Variants in MAGI1 observed in about 807,000 individuals in gnomAD.
The protein encoded by MAGI1 is membrane associated guanylate kinase, WW and PDZ domain containing 1, also known as membrane-associated guanylate kinase, WW and PDZ domain-containing protein 1.
Under a neutral mutation model 139.9 loss-of-function variants are expected in MAGI1, and 58 were observed. The observed-to-expected ratio is 0.41, with a 90% CI of 0.34 to 0.52. MAGI1 has a LOEUF of 0.52. Ranked by LOEUF, MAGI1 falls within the 20% of genes least tolerant of loss-of-function variation. The probability of loss-of-function intolerance (pLI) is 0.12; values close to 1 mark genes in which losing one functional copy is unlikely to be tolerated. For synonymous variants in MAGI1, 812 were observed against 737.9 expected, an observed-to-expected ratio of 1.10 and a Z score of -1.63; for missense variants, 1,874 against 1,901.6, an observed-to-expected ratio of 0.99 and a Z score of 0.27.
At chr3:65,936,566 G>A (rs192415406) in intron 1 of MAGI1, among the ~76,000 whole-genome samples, 44 of 150,682 alleles carry the variant, frequency 2.9e-4, no homozygotes, top group Admixed American at 1.3e-3. Flanking sequence ...CTGCACTCCA[G>A]CCTGGGTGAC....
At chr3:65,529,408 T>A (rs553741172) in intron 2 of MAGI1, among the ~76,000 whole-genome samples, 1 of 152,312 alleles carries the variant, frequency 6.6e-6, no homozygotes, top group East Asian at 1.9e-4. Flanking sequence ...ACTATGAATT[T>A]GCTTATTCTG....
chr3:65,780,030 G>A (rs558005038), intron 1 of MAGI1, among the ~76,000 whole-genome samples: 17 of 137,550 alleles, frequency 1.2e-4, no homozygotes, highest in African/African-American at 4.4e-4. Flanking sequence ...TTTGGGGGGG[G>A]AAGGGCAGGG....
chr3:65,803,764 C>T (rs2040665745), intron 1 of MAGI1, among the ~76,000 whole-genome samples: 1 of 152,154 alleles, frequency 6.6e-6, no homozygotes, highest in African/African-American at 2.4e-5. Context: ...GTGTTCTCAT[C>T]ATTTAGCTCC....
chr3:65,974,806 A>G (rs991961637), intron 1 of MAGI1, among the ~76,000 whole-genome samples: 2 of 152,170 alleles, frequency 1.3e-5, no homozygotes, highest in Non-Finnish European at 2.9e-5. Flanking sequence ...GATGACTAGG[A>G]CAGAAGGCAG....
At chr3:65,701,356 G>A (rs1576798042) in intron 1 of MAGI1, among the ~76,000 whole-genome samples, 1 of 152,128 alleles carries the variant, frequency 6.6e-6, no homozygotes, top group Non-Finnish European at 1.5e-5. Flanking sequence ...GGGGTCAAGC[G>A]ATTCTCCTGT....
At chr3:65,609,583 T>C (rs1384604645) in intron 2 of MAGI1, among the ~76,000 whole-genome samples, 1 of 150,556 alleles carries the variant, frequency 6.6e-6, no homozygotes, top group Non-Finnish European at 1.5e-5. Context: ...TTTTTTTGTT[T>C]TTTGTTTTTG....
At chr3:66,013,383 A>G (rs1425473548) in intron 1 of MAGI1, among the ~76,000 whole-genome samples, 1 of 150,138 alleles carries the variant, frequency 6.7e-6, no homozygotes, top group African/African-American at 2.5e-5. Context: ...AGCCTGGGCA[A>G]TACAGTGAAA....
intron 2 of MAGI1, among the ~76,000 whole-genome samples, chr3:65,579,740 G>C (rs1411229762): frequency 6.6e-6 from 1 of 151,884 alleles, no homozygotes; most frequent in South Asian, 2.1e-4. Context: ...CCAGCTACTC[G>C]GGAGGCTGAG....
chr3:65,444,024 G>C (rs573911153), intron 7 of MAGI1, among the ~76,000 whole-genome samples: 1 of 152,254 alleles, frequency 6.6e-6, no homozygotes, highest in East Asian at 1.9e-4. Flanking sequence ...CAAAGTTTAT[G>C]TTTTGTTCAG....
rs569885212 is a variant in MAGI1 at position 65,675,334 on chromosome 3, C to A, written c.314-53246G>T. Among the ~76,000 whole-genome samples the A allele has an allele frequency of 9.2e-5, 14 of 152,236 alleles. 1 individual carries two copies. The East Asian group carries it at 2.7e-3, about 29-fold the overall frequency. On this transcript the variant is annotated intron_variant, in intron 1 of 22. Coordinates refer to ENST00000402939, the MANE Select transcript of MAGI1 (RefSeq NM_001033057.2). Reference sequence around the variant, plus strand: ...TTTCAAGAATAGTAGAAGATGCTTGCCTAGAATAAATCAATTTGGAAAGCT... The same window carrying A: ...TTTCAAGAATAGTAGAAGATGCTTGACTAGAATAAATCAATTTGGAAAGCT...
At chr3:65,371,395 A>G (rs2106807071) in intron 18 of MAGI1, among the ~76,000 whole-genome samples, 1 of 152,342 alleles carries the variant, frequency 6.6e-6, no homozygotes, top group Non-Finnish European at 1.5e-5. Flanking sequence ...GTTTAAAAAC[A>G]CTACATACCT....
In MAGI1 at chr3:66,026,604, T is replaced by C. The variant is rs546239828; in HGVS notation, c.313+11392A>G. Among the ~76,000 whole-genome samples the C allele has an allele frequency of 2.6e-5, 4 of 151,420 alleles. No individual in the cohort carries two copies. The East Asian group carries it at 5.8e-4, about 22-fold the overall frequency. On this transcript the variant is annotated intron_variant, in intron 1 of 22. Transcript: ENST00000402939. ...ACACATAATCTAGTATGGGAGACAGTTGGGCAAAACTATAGTTACAAGGCA... is the reference window on the plus strand; with the variant it reads ...ACACATAATCTAGTATGGGAGACAGCTGGGCAAAACTATAGTTACAAGGCA...
intron 1 of MAGI1, among the ~76,000 whole-genome samples, chr3:65,967,472 T>G (rs2064810068): frequency 6.6e-6 from 1 of 152,022 alleles, no homozygotes; most frequent in Non-Finnish European, 1.5e-5. Flanking sequence ...CTCCAAAAAG[T>G]AACCCAGTTA....
At chr3:66,024,448 T>C (rs985445973) in intron 1 of MAGI1, among the ~76,000 whole-genome samples, 3 of 151,744 alleles carry the variant, frequency 2.0e-5, no homozygotes, top group Non-Finnish European at 2.9e-5. Context: ...CTTTTCCCAT[T>C]GAACAGAATA....
In MAGI1 at chr3:65,544,614, C is replaced by T. The variant is rs114557358; in HGVS notation, c.431-50983G>A. Reference sequence around the variant, plus strand: ...TTAAAGAAGCAGCAGTCACTCATACCAGCCAGAATGGGAGGATGTGTGGTC... The same window carrying T: ...TTAAAGAAGCAGCAGTCACTCATACTAGCCAGAATGGGAGGATGTGTGGTC... On this transcript the variant is annotated intron_variant, in intron 2 of 22. Coordinates refer to ENST00000402939, the MANE Select transcript of MAGI1 (RefSeq NM_001033057.2). Among the ~76,000 whole-genome samples the T allele has an allele frequency of 9.8e-3, 1,498 of 152,202 alleles. 25 individuals are homozygous for T. The highest frequency in any genetic ancestry group is 0.031 in the African/African-American group (1,287 of 41,516).
At chr3:65,501,417 G>A (rs1020078848) in intron 2 of MAGI1, among the ~76,000 whole-genome samples, 13 of 121,960 alleles carry the variant, frequency 1.1e-4, no homozygotes, top group African/African-American at 3.6e-4. Flanking sequence ...TCGTGCCACT[G>A]CACTCCAGTG....
At chr3:65,973,079 G>A (rs1332941078) in intron 1 of MAGI1, among the ~76,000 whole-genome samples, 2 of 152,138 alleles carry the variant, frequency 1.3e-5, no homozygotes, top group East Asian at 1.9e-4. Flanking sequence ...GGGCCCAGGA[G>A]TTGGAGGCTG....
chr3:65,568,616 T>C (rs1166713404), intron 2 of MAGI1, among the ~76,000 whole-genome samples: 1 of 152,234 alleles, frequency 6.6e-6, no homozygotes, highest in East Asian at 1.9e-4. Flanking sequence ...TCATTCGTTC[T>C]ACACCTGTTT....
chr3:65,510,858 T>A (rs1347915801), intron 2 of MAGI1, among the ~76,000 whole-genome samples: 1 of 148,408 alleles, frequency 6.7e-6, no homozygotes, highest in Non-Finnish European at 1.5e-5. Context: ...ATTGTCAGAT[T>A]CACCAAAGTT....
Sources: allele counts gnomAD v4.1 joint callset (sites outside exome capture counted in the v4.1 genomes callset), GRCh38; gene constraint gnomAD v4.1.1; transcripts MANE v1.5; gene names NCBI Gene and HGNC (gene_info 2026-07-23, HGNC 2026-07-21).